Variants in SPAG9 observed in about 807,000 individuals in gnomAD.
SPAG9 encodes sperm associated antigen 9.
A neutral mutation model predicts 166.5 loss-of-function variants in SPAG9; 35 were observed. That is an observed-to-expected ratio of 0.21 (90% CI 0.16 to 0.28). The LOEUF (loss-of-function observed/expected upper bound fraction) is 0.28. Ranked by LOEUF, SPAG9 falls within the 10% of genes least tolerant of loss-of-function variation. SPAG9 has a pLI of 1.00. For synonymous variants in SPAG9, 534 were observed against 565.5 expected, an observed-to-expected ratio of 0.94 and a Z score of 0.79; for missense variants, 1,235 against 1,603.3, an observed-to-expected ratio of 0.77 and a Z score of 3.92.
chr17:51,054,941 C>G (rs1443119024), intron 3 of SPAG9, among the ~76,000 whole-genome samples: 1 of 152,164 alleles, frequency 6.6e-6, no homozygotes, highest in African/African-American at 2.4e-5. Flanking sequence ...GGGAAAAATT[C>G]TACACCCTAC....
In SPAG9 at chr17:50,979,808, T is replaced by C. The variant is rs771094398; in HGVS notation, c.3347A>G (p.His1116Arg). Residue 1116 changes from histidine to arginine, a missense_variant, in exon 26 of 30, where the codon CAT (histidine) becomes CGT (arginine). Physicochemically the swap from His to Arg is conservative, Grantham distance 29. Transcript: ENST00000262013. ...CTGTAGATGTTGATAAGTGTGTGCATGATAGAGACGGAGCGTAGAATCCAA... is the reference window on the plus strand; with the variant it reads ...CTGTAGATGTTGATAAGTGTGTGCACGATAGAGACGGAGCGTAGAATCCAA... ...IRLDSTLRLY[H>R]AHTYQHLQDV... The C allele has an allele frequency of 4.3e-6, 7 of 1,614,198 alleles. No individual in the cohort carries two copies. Among genetic ancestry groups the C allele is most frequent in the Non-Finnish European group, 5.9e-6 (7 of 1,180,018 alleles).
At chr17:51,070,579 T>C (rs2047796087) in intron 2 of SPAG9, among the ~76,000 whole-genome samples, 1 of 152,246 alleles carries the variant, frequency 6.6e-6, no homozygotes, top group African/African-American at 2.4e-5. Context: ...TTTTTGGTTT[T>C]TTTATTTTAA....
chr17:51,043,642 T>C (rs1007456767), intron 4 of SPAG9, among the ~76,000 whole-genome samples: 4 of 152,204 alleles, frequency 2.6e-5, no homozygotes, highest in African/African-American at 9.7e-5. Flanking sequence ...GACTAAGAGC[T>C]ACTAGCTGAC....
At chr17:51,073,345 C>G (rs935534106) in intron 2 of SPAG9, among the ~76,000 whole-genome samples, 1 of 151,546 alleles carries the variant, frequency 6.6e-6, no homozygotes, top group Non-Finnish European at 1.5e-5. Flanking sequence ...AAACAATTAG[C>G]CACGTGTGGT....
At chr17:51,019,222 G>T (rs2045830368) in intron 8 of SPAG9, among the ~76,000 whole-genome samples, 1 of 152,258 alleles carries the variant, frequency 6.6e-6, no homozygotes, top group East Asian at 1.9e-4. Context: ...CCTTGATCTT[G>T]GCCTTCCTAG....
At chr17:51,086,851 G>A (rs1013720527) in intron 1 of SPAG9, among the ~76,000 whole-genome samples, 10 of 152,134 alleles carry the variant, frequency 6.6e-5, no homozygotes, top group Non-Finnish European at 1.5e-4. Context: ...GAACCCAGGC[G>A]GCAGAAGTTG....
intron 20 of SPAG9, 33 bp downstream of exon 20, chr17:50,990,417 T>C (rs1359931675): frequency 4.1e-6 from 6 of 1,465,956 alleles, no homozygotes; most frequent in Middle Eastern, 1.7e-4. Flanking sequence ...CCTTAGACTC[T>C]ATACAGATGG....
chr17:51,021,559 AC>A (rs2045937422), intron 6 of SPAG9, among the ~76,000 whole-genome samples, 194 bp from the exon 7 acceptor site: 2 of 152,180 alleles, frequency 1.3e-5, no homozygotes, highest in African/African-American at 4.8e-5. Context: ...ATTTAAGTAA[AC>A]TGTATTTTTT....
chr17:51,091,605 C>T (rs1016338022), intron 1 of SPAG9, among the ~76,000 whole-genome samples: 23 of 151,868 alleles, frequency 1.5e-4, no homozygotes, highest in South Asian at 8.3e-4. Context: ...TGGTATGAAA[C>T]GCACATACTC....
intron 5 of SPAG9, among the ~76,000 whole-genome samples, chr17:51,038,170 A>C (rs2046693618): frequency 6.6e-6 from 1 of 152,180 alleles, no homozygotes; most frequent in Non-Finnish European, 1.5e-5. Flanking sequence ...TGAGGAAACT[A>C]TAAAGAAAAG....
In SPAG9 at chr17:50,998,339, T is replaced by A. The variant is rs1390929897; in HGVS notation, c.1838+105A>T. The A allele has an allele frequency of 2.7e-6, 3 of 1,118,446 alleles. No individual in the cohort carries two copies. The African/African-American group carries it at 4.8e-5, about 18-fold the overall frequency. The allele number at this position is 1,118,446 out of a possible 1,614,324, so 69.3% of individuals were successfully genotyped here. A position where few individuals can be genotyped will look rare whatever the true frequency, so the allele number is the denominator to read the frequency against. ...GCCACCGTGCCTGGCCCAGAAATGA[T>A]TTTTTTATAGATTTACCTGAATCCT... On this transcript the variant is annotated intron_variant, in intron 15 of 29. Transcript: ENST00000262013.
At chr17:51,084,897 C>T (rs895146658) in intron 1 of SPAG9, among the ~76,000 whole-genome samples, 1 of 152,076 alleles carries the variant, frequency 6.6e-6, no homozygotes, top group African/African-American at 2.4e-5. Context: ...GTTGCCCAGG[C>T]TGGAGTGCAG....
chr17:51,119,094 A>T (rs1452028277), intron 1 of SPAG9, among the ~76,000 whole-genome samples: 1 of 152,104 alleles, frequency 6.6e-6, no homozygotes, highest in African/African-American at 2.4e-5. Context: ...CCTTTGAGAA[A>T]ATTGGATCCC....
chr17:50,970,178 T>C (rs1973672518), intron 29 of SPAG9, among the ~76,000 whole-genome samples: 1 of 152,224 alleles, frequency 6.6e-6, no homozygotes, highest in Non-Finnish European at 1.5e-5. Context: ...GACCACATCC[T>C]GCTATTTCTA....
Position 51,090,608 on chromosome 17 carries a change from C to T in SPAG9, c.304-10904G>A, listed in dbSNP as rs1201147025. On this transcript the variant is annotated intron_variant, in intron 1 of 29. Coordinates refer to ENST00000262013, the MANE Select transcript of SPAG9 (RefSeq NM_001130528.3). Reference sequence around the variant, plus strand: ...GGAAATGTAGTAAGTTACAAGAGAGCCCTATGTTCTATTGATTGAAATTTA... The same window carrying T: ...GGAAATGTAGTAAGTTACAAGAGAGTCCTATGTTCTATTGATTGAAATTTA... Among the ~76,000 whole-genome samples the T allele has an allele frequency of 2.6e-5, 4 of 152,118 alleles. No individual in the cohort carries two copies. In the East Asian group the frequency reaches 7.7e-4, roughly 29 times the overall value.
chr17:51,065,539 A>G (rs534426804), intron 2 of SPAG9, among the ~76,000 whole-genome samples: 2 of 152,354 alleles, frequency 1.3e-5, no homozygotes, highest in African/African-American at 4.8e-5. Flanking sequence ...CACAGTAGAA[A>G]GAATAGGCAG....
chr17:51,031,432 A>G (rs1209472581), intron 6 of SPAG9: 2 of 509,126 alleles, frequency 3.9e-6, no homozygotes, highest in African/African-American at 3.9e-5. Flanking sequence ...GCTGAATTTC[A>G]CAGAATTTAC....
chr17:51,047,702 CAAAA>C (rs763552367), intron 3 of SPAG9, among the ~76,000 whole-genome samples: 1 of 74,420 alleles, frequency 1.3e-5, no homozygotes, highest in Admixed American at 1.3e-4. Context: ...CTTAGGATGG[CAAAA>C]AAAAAAAAAA....
At chr17:51,037,685 A>ATATATATATATATATATATAGTGT in intron 5 of SPAG9, among the ~76,000 whole-genome samples, 1 of 83,490 alleles carries the variant, frequency 1.2e-5, no homozygotes, top group African/African-American at 3.9e-5. Context: ...ATATATATAT[A>ATATATATATATATATATATAGTGT]GTGTGTGTGT....
Sources: allele counts gnomAD v4.1 joint callset (sites outside exome capture counted in the v4.1 genomes callset), GRCh38; gene constraint gnomAD v4.1.1; transcripts MANE v1.5; gene names NCBI Gene and HGNC (gene_info 2026-07-23, HGNC 2026-07-21).